Variants in CHN2 observed in about 807,000 individuals in gnomAD.
CHN2 encodes the protein beta-chimaerin.
Under a neutral mutation model 56.3 loss-of-function variants are expected in CHN2, and 35 were observed. The ratio of observed to expected loss-of-function variants is 0.62; its 90% CI spans 0.47 to 0.82. CHN2 has a LOEUF of 0.82. Ranked by LOEUF, CHN2 falls within the 40% of genes least tolerant of loss-of-function variation. CHN2 has a pLI of 0.00. For missense variants in CHN2, 491 were observed against 580.5 expected, an observed-to-expected ratio of 0.85 and a Z score of 1.58; for synonymous variants, 210 against 212.8, an observed-to-expected ratio of 0.99 and a Z score of 0.12.
At chr7:29,416,982 G>A (rs1045607610) in intron 6 of CHN2, among the ~76,000 whole-genome samples, 1 of 152,136 alleles carries the variant, frequency 6.6e-6, no homozygotes, top group African/African-American at 2.4e-5. Context: ...TGGGCTTCAG[G>A]GCCAGTGGCT....
At chr7:29,312,909 G>C (rs1658626247) in intron 1 of CHN2, among the ~76,000 whole-genome samples, 1 of 151,762 alleles carries the variant, frequency 6.6e-6, no homozygotes, top group African/African-American at 2.4e-5. Flanking sequence ...CCACACTCCA[G>C]TCTCCATGAA....
rs1355585467 is a variant in CHN2, at chr7:29,367,195, C to A, written c.89-737C>A. On this transcript the variant is annotated intron_variant, in intron 2 of 12. Coordinates refer to ENST00000222792, the MANE Select transcript of CHN2 (RefSeq NM_004067.4). ...CAGCAGAAAAATCACTCATTATGTT[C>A]CGAAAAATCACAAATAATTGTCTGA... Among the ~76,000 whole-genome samples, 6 of 152,178 alleles carry A rather than the reference C, an allele frequency of 3.9e-5. No individual in the cohort carries two copies. The East Asian group carries it at 9.6e-4, about 24-fold the overall frequency.
chr7:29,270,227 T>G (rs1183896741), intron 1 of CHN2, among the ~76,000 whole-genome samples: 1 of 152,164 alleles, frequency 6.6e-6, no homozygotes, highest in Non-Finnish European at 1.5e-5. Context: ...GCTGGTAGTC[T>G]TATTGTTTCA....
chr7:29,177,088 T>G (rs965276600), intron 2 of CHN2, among the ~76,000 whole-genome samples: 1 of 152,358 alleles, frequency 6.6e-6, no homozygotes, highest in South Asian at 2.1e-4. Context: ...AGATAAAATA[T>G]TTTTAGTTTA....
intron 2 of CHN2, among the ~76,000 whole-genome samples, chr7:29,175,185 T>G (rs1262593420): frequency 1.3e-5 from 2 of 151,782 alleles, no homozygotes; most frequent in African/African-American, 4.8e-5. Flanking sequence ...TTTCCTTTTT[T>G]TTTTTTTGAG....
At chr7:29,146,843 C>T (rs1226542209) in intron 1 of CHN2, 1 of 1,551,064 alleles carries the variant, frequency 6.4e-7, no homozygotes, top group East Asian at 2.4e-5. Context: ...TATTTCTGCA[C>T]TCTAGGACTT....
chr7:29,509,743 G>A lies in CHN2; in HGVS notation c.1235+337G>A, dbSNP rs1791060621. The A allele has an allele frequency of 2.1e-5, 4 of 189,544 alleles. No homozygotes were observed. The South Asian group carries it at 3.0e-4, about 14-fold the overall frequency. The allele number at this position is 189,544 out of a possible 1,614,324, so 11.7% of individuals were successfully genotyped here. On this transcript the variant is annotated intron_variant, in intron 12 of 12. Coordinates refer to ENST00000222792, the MANE Select transcript of CHN2 (RefSeq NM_004067.4). ...GCCTGTAGTCCCAGCCACTTGGGAG[G>A]CTGAGGCAGGAGAATGGTGTGAACC...
intron 1 of CHN2, among the ~76,000 whole-genome samples, chr7:29,221,414 A>G (rs1294393370): frequency 6.6e-6 from 1 of 152,244 alleles, no homozygotes; most frequent in Non-Finnish European, 1.5e-5. Flanking sequence ...ACCATAATTT[A>G]TAGTAACGTT....
chr7:29,388,435 C>T (rs1215137948), intron 3 of CHN2, among the ~76,000 whole-genome samples: 2 of 152,200 alleles, frequency 1.3e-5, no homozygotes, highest in African/African-American at 4.8e-5. Flanking sequence ...TAGCTCATAG[C>T]AACTGACTGG....
intron 7 of CHN2, among the ~76,000 whole-genome samples, chr7:29,488,077 AG>A (rs1222774066): frequency 6.6e-6 from 1 of 152,244 alleles, no homozygotes; most frequent in Non-Finnish European, 1.5e-5. Context: ...AAACTAGGGC[AG>A]CTGCTAATGA....
At chr7:29,322,367 C>T (rs561164948) in intron 1 of CHN2, among the ~76,000 whole-genome samples, 1 of 152,138 alleles carries the variant, frequency 6.6e-6, no homozygotes, top group Non-Finnish European at 1.5e-5. Context: ...TGGTAAAGAA[C>T]CAGGTTACAA....
chr7:29,272,704 C>T (rs764175414), intron 1 of CHN2, among the ~76,000 whole-genome samples: 7 of 151,962 alleles, frequency 4.6e-5, no homozygotes, highest in Non-Finnish European at 8.8e-5. Context: ...CAATATATGC[C>T]GTATTAGAAA....
At chr7:29,440,462 G>A (rs193040463) in intron 6 of CHN2, among the ~76,000 whole-genome samples, 5 of 152,042 alleles carry the variant, frequency 3.3e-5, no homozygotes, top group Admixed American at 1.3e-4. Context: ...AGGCCGAGGC[G>A]GGTGGATCAC....
At chr7:29,463,335 G>A (rs1190693430) in intron 6 of CHN2, among the ~76,000 whole-genome samples, 1 of 152,112 alleles carries the variant, frequency 6.6e-6, no homozygotes, top group Admixed American at 6.5e-5. Context: ...GAGCAACAGA[G>A]CCCATGTAAG....
At chr7:29,494,153 C>T (rs889365325) in intron 7 of CHN2, among the ~76,000 whole-genome samples, 4 of 152,160 alleles carry the variant, frequency 2.6e-5, no homozygotes, top group African/African-American at 9.7e-5. Context: ...AGAGAACTGG[C>T]TCTTCTTTTA....
intron 1 of CHN2, among the ~76,000 whole-genome samples, chr7:29,210,488 G>A (rs1222544789): frequency 1.3e-5 from 2 of 151,920 alleles, no homozygotes; most frequent in Admixed American, 1.3e-4. Context: ...TATTTACCAT[G>A]TTCCAGATTT....
At chr7:29,220,183 T>C (rs1207335077) in intron 1 of CHN2, among the ~76,000 whole-genome samples, 2 of 151,332 alleles carry the variant, frequency 1.3e-5, no homozygotes, top group Admixed American at 6.6e-5. Flanking sequence ...AAGATGGTAA[T>C]TGCTTGAACC....
intron 1 of CHN2, among the ~76,000 whole-genome samples, chr7:29,320,151 C>T (rs1486990667): frequency 6.6e-6 from 1 of 152,086 alleles, no homozygotes; most frequent in East Asian, 1.9e-4. Flanking sequence ...AAGCATTTCC[C>T]CAGGGTCAAA....
chr7:29,460,455 A>C (rs549566637), intron 6 of CHN2, among the ~76,000 whole-genome samples: 1 of 152,316 alleles, frequency 6.6e-6, no homozygotes, highest in East Asian at 1.9e-4. Context: ...TACCCTTCTA[A>C]AGGCAAAGCG....
Sources: gnomAD v4.1 joint callset for allele counts (sites outside exome capture counted in the v4.1 genomes callset) on GRCh38, gnomAD v4.1.1 for gene constraint, MANE v1.5 for transcripts, NCBI Gene and HGNC (gene_info 2026-07-23, HGNC 2026-07-21) for gene names.